The following ATE1 variants were observed in gnomAD, a reference collection of about 807,000 sequenced individuals.
ATE1 encodes the protein arginyl-tRNA--protein transferase 1.
In ATE1, 36 loss-of-function variants were observed where a neutral mutation model predicts 70.5. That is an observed-to-expected ratio of 0.51 (90% CI 0.39 to 0.67). The LOEUF is 0.67. Ranked by LOEUF, ATE1 falls within the 30% of genes least tolerant of loss-of-function variation. The pLI, the probability that ATE1 is intolerant of heterozygous loss-of-function variation, is 0.00. For missense variants in ATE1, 593 were observed against 629.5 expected (o/e 0.94, Z 0.62); for synonymous variants, 232 against 219.3 (o/e 1.06, Z -0.51).
Position 121,809,671 on chromosome 10 carries a change from C to T in ATE1, c.1258-19382G>A, listed in dbSNP as rs963233926. On this transcript the variant is annotated intron_variant, in intron 10 of 11. Coordinates refer to ENST00000224652, the MANE Select transcript of ATE1 (RefSeq NM_001001976.3). ...TCAACAGGGAAAAGGGCAAATAACA[C>T]AGTATTATTAAAAAGATAGTTTTGA... is the stretch of plus-strand genomic sequence containing the variant. Among the ~76,000 whole-genome samples, 16 of 151,858 alleles carry T rather than the reference C, an allele frequency of 1.1e-4. No individual in the cohort carries two copies. The East Asian group carries it at 3.1e-3, about 29-fold the overall frequency.
At chr10:121,768,008 T>C (rs1430830223) in intron 11 of ATE1, among the ~76,000 whole-genome samples, 1 of 152,232 alleles carries the variant, frequency 6.6e-6, no homozygotes, top group African/African-American at 2.4e-5. Flanking sequence ...GATATATACA[T>C]ACAACCTTTA....
chr10:121,748,502 T>C (rs1002762955), intron 11 of ATE1, among the ~76,000 whole-genome samples: 2 of 152,198 alleles, frequency 1.3e-5, no homozygotes, highest in Non-Finnish European at 2.9e-5. Context: ...ACAATATCTA[T>C]GTTTCAACCA....
chr10:121,744,962 C>G (rs1404459987), intron 11 of ATE1, among the ~76,000 whole-genome samples: 2 of 152,308 alleles, frequency 1.3e-5, no homozygotes, highest in East Asian at 3.9e-4. Flanking sequence ...GACTTCATGG[C>G]AGGATCCCTA....
At chr10:121,891,178 C>T (rs1055207467) in intron 7 of ATE1, among the ~76,000 whole-genome samples, 23 of 152,036 alleles carry the variant, frequency 1.5e-4, no homozygotes, top group African/African-American at 5.6e-4. Context: ...AGAAGGCAAT[C>T]GGTTTTGTAC....
At chr10:121,879,163 G>A (rs1265634476) in intron 7 of ATE1, among the ~76,000 whole-genome samples, 1 of 150,812 alleles carries the variant, frequency 6.6e-6, no homozygotes, top group Non-Finnish European at 1.5e-5. Context: ...CATCAAGACA[G>A]ATGCCACCAT....
chr10:121,794,660 G>C (rs1484957864), intron 10 of ATE1, among the ~76,000 whole-genome samples: 2 of 49,704 alleles, frequency 4.0e-5, no homozygotes, highest in Non-Finnish European at 7.4e-5. Context: ...AGAATGTCTG[G>C]TAAAAAAAAA....
intron 11 of ATE1, among the ~76,000 whole-genome samples, chr10:121,787,361 C>G (rs915359787): frequency 6.6e-6 from 1 of 152,218 alleles, no homozygotes; most frequent in African/African-American, 2.4e-5. Flanking sequence ...AGAACCGTTT[C>G]TCACAGATTG....
intron 11 of ATE1, 119 bp downstream of exon 11, chr10:121,790,050 G>A (rs987081040): frequency 2.3e-5 from 25 of 1,080,992 alleles, no homozygotes; most frequent in Non-Finnish European, 2.8e-5. Context: ...ACACACTCAT[G>A]CACAGCATAC....
chr10:121,789,406 C>T (rs1590303254), intron 11 of ATE1, among the ~76,000 whole-genome samples: 1 of 150,232 alleles, frequency 6.7e-6, no homozygotes, highest in Admixed American at 6.7e-5. Context: ...TCAAGCGATT[C>T]TCCTGCCTCA....
At chr10:121,881,060 T>C (rs771322955) in intron 7 of ATE1, among the ~76,000 whole-genome samples, 1 of 152,238 alleles carries the variant, frequency 6.6e-6, no homozygotes, top group African/African-American at 2.4e-5. Context: ...TTACTTATTA[T>C]AGTAGAACAA....
At chr10:121,887,407 A>G (rs905889985) in intron 7 of ATE1, among the ~76,000 whole-genome samples, 4 of 152,196 alleles carry the variant, frequency 2.6e-5, no homozygotes, top group African/African-American at 7.2e-5. Context: ...AGTTCCCTGA[A>G]CTAATTTAAA....
intron 7 of ATE1, among the ~76,000 whole-genome samples, chr10:121,888,588 A>G (rs889804873): frequency 6.6e-6 from 1 of 152,178 alleles, no homozygotes; most frequent in Admixed American, 6.6e-5. Context: ...ATATGAAAAA[A>G]GCTGAACACC....
At chr10:121,882,200 CTTT>C (rs1034733521) in intron 7 of ATE1, among the ~76,000 whole-genome samples, 1 of 113,232 alleles carries the variant, frequency 8.8e-6, no homozygotes, top group East Asian at 2.9e-4. Flanking sequence ...AATATTACTT[CTTT>C]TTTTATTTGA....
At chr10:121,923,308 C>A (rs1951954316) in intron 2 of ATE1, among the ~76,000 whole-genome samples, 1 of 152,126 alleles carries the variant, frequency 6.6e-6, no homozygotes, top group African/African-American at 2.4e-5. Context: ...TTACAAAAAA[C>A]TGAAAAATTA....
At chr10:121,825,306 G>C (rs1947963402) in intron 10 of ATE1, among the ~76,000 whole-genome samples, 1 of 152,112 alleles carries the variant, frequency 6.6e-6, no homozygotes, top group Non-Finnish European at 1.5e-5. Flanking sequence ...AACAATACAG[G>C]TTACAAATAT....
chr10:121,816,345 C>G (rs570702579), intron 10 of ATE1, among the ~76,000 whole-genome samples: 2 of 152,154 alleles, frequency 1.3e-5, no homozygotes, highest in African/African-American at 4.8e-5. Context: ...CTCCAATATT[C>G]ATGTTGAAAC....
chr10:121,762,603 G>A (rs1161710995), intron 11 of ATE1, among the ~76,000 whole-genome samples: 1 of 152,172 alleles, frequency 6.6e-6, no homozygotes, highest in Non-Finnish European at 1.5e-5. Context: ...TGGTGAACTG[G>A]TGGGTCTAAA....
chr10:121,899,192 C>CT lies in ATE1; in HGVS notation c.942+673dup, dbSNP rs79989529. Among the ~76,000 whole-genome samples, 186 of 149,676 alleles carry CT rather than the reference C, an allele frequency of 1.2e-3. 2 individuals carry two copies. In the East Asian group the frequency reaches 0.029, roughly 23 times the overall value. On this transcript the variant is annotated intron_variant, in intron 7 of 11. Coordinates refer to ENST00000224652, the MANE Select transcript of ATE1 (RefSeq NM_001001976.3). ...ACCTCATAAGAGCCAACAATTTGTT[C>CT]TTTTTTTTTTCTCTCTCTCCACTAA... is the stretch of plus-strand genomic sequence containing the variant.
intron 11 of ATE1, among the ~76,000 whole-genome samples, chr10:121,769,875 C>T (rs1945429573): frequency 2.0e-5 from 3 of 152,158 alleles, no homozygotes; most frequent in African/African-American, 7.2e-5. Flanking sequence ...TGTGGGTAAA[C>T]ATGAAAGAAG....
Sources: gnomAD v4.1 joint callset for allele counts (sites outside exome capture counted in the v4.1 genomes callset) on GRCh38, gnomAD v4.1.1 for gene constraint, MANE v1.5 for transcripts, NCBI Gene and HGNC (gene_info 2026-07-23, HGNC 2026-07-21) for gene names.